The following RAPGEF1 variants were observed in gnomAD, a reference collection of about 807,000 sequenced individuals.
The protein encoded by RAPGEF1 is Rap guanine nucleotide exchange factor 1, also known as CRK SH3-binding GNRP.
In RAPGEF1, 33 loss-of-function variants were observed where a neutral mutation model predicts 143.3. The ratio of observed to expected loss-of-function variants is 0.23; its 90% CI spans 0.17 to 0.31. The LOEUF is 0.31. RAPGEF1 is among the 10% of genes least tolerant of loss of function. The pLI is 1.00. For synonymous variants in RAPGEF1, 629 were observed against 676.5 expected, an observed-to-expected ratio of 0.93 and a Z score of 1.09; for missense variants, 1,199 against 1,645.4, an observed-to-expected ratio of 0.73 and a Z score of 4.69.
intron 1 of RAPGEF1, among the ~76,000 whole-genome samples, chr9:131,663,575 C>T (rs772052061): frequency 1.3e-5 from 2 of 151,506 alleles, no homozygotes; most frequent in Non-Finnish European, 1.5e-5. Context: ...GGCTTTTGGA[C>T]GTTGACATAT....
At chr9:131,681,542 C>A (rs181873040) in intron 1 of RAPGEF1, among the ~76,000 whole-genome samples, 2 of 152,210 alleles carry the variant, frequency 1.3e-5, no homozygotes, top group Non-Finnish European at 2.9e-5. Flanking sequence ...TGTTTCCAGT[C>A]GGATGATTCC....
chr9:131,610,290 G>A (rs1055941990), intron 12 of RAPGEF1, among the ~76,000 whole-genome samples: 2 of 151,402 alleles, frequency 1.3e-5, no homozygotes, highest in African/African-American at 4.9e-5. Context: ...CGTGCCAGAG[G>A]AGGCTGTCTG....
chr9:131,698,679 A>G (rs1424224486), intron 1 of RAPGEF1, among the ~76,000 whole-genome samples: 3 of 152,210 alleles, frequency 2.0e-5, no homozygotes, highest in African/African-American at 7.2e-5. Flanking sequence ...AATAAAGTAG[A>G]GGTAACTGTG....
chr9:131,582,822 A>G, intron 24 of RAPGEF1, 120 bp from the exon 25 acceptor site: 1 of 785,400 alleles, frequency 1.3e-6, no homozygotes, highest in Non-Finnish European at 2.0e-6. Flanking sequence ...CCAACTCCAC[A>G]GGTCCCACTA....
At chr9:131,714,705 CTTTTTTTT>C (rs10568442) in intron 1 of RAPGEF1, among the ~76,000 whole-genome samples, 4 of 114,698 alleles carry the variant, frequency 3.5e-5, no homozygotes, top group African/African-American at 7.7e-5. Flanking sequence ...TAGACTCTGC[CTTTTTTTT>C]TTTTTTTTTT....
Position 131,681,396 on chromosome 9 carries a change from C to T in RAPGEF1, c.62-30447G>A, listed in dbSNP as rs189174699. Among the ~76,000 whole-genome samples, 265 of 152,290 alleles carry T rather than the reference C, an allele frequency of 1.7e-3. 1 individual carries two copies. The highest frequency in any genetic ancestry group is 6.0e-3 in the African/African-American group (249 of 41,548). ...GGCTTGGCAGTTCCCTGTTAGAATA[C>T]ACCCCCAGATCAACAGGGAAATATT... is the stretch of plus-strand genomic sequence containing the variant. On this transcript the variant is annotated intron_variant, in intron 1 of 26. Transcript: ENST00000683357.
At position 131,618,626 on chromosome 9, in the gene RAPGEF1, C is replaced by T. The variant is rs372743866; in HGVS notation, c.2061+425G>A. Among the ~76,000 whole-genome samples the T allele has an allele frequency of 1.6e-4, 25 of 152,312 alleles. 1 individual carries two copies. In the East Asian group the frequency reaches 3.5e-3, roughly 21 times the overall value. ...ACAGGGTTTCACTATGTTGCCCAGG[C>T]TGGACTTGAACTCTGGAGTTCAGGT... is the stretch of plus-strand genomic sequence containing the variant. On this transcript the variant is annotated intron_variant, in intron 12 of 26. Transcript: ENST00000683357.
intron 12 of RAPGEF1, among the ~76,000 whole-genome samples, chr9:131,613,731 C>T (rs1958420012): frequency 6.6e-6 from 1 of 152,132 alleles, no homozygotes; most frequent in African/African-American, 2.4e-5. Flanking sequence ...GGAGAGAAGC[C>T]TGCACTCAAA....
intron 1 of RAPGEF1, among the ~76,000 whole-genome samples, chr9:131,664,469 ATAAGT>A (rs1830107111): frequency 6.6e-6 from 1 of 152,206 alleles, no homozygotes; most frequent in Non-Finnish European, 1.5e-5. Context: ...TTTTTAAATC[ATAAGT>A]TAATACTGTT....
intron 1 of RAPGEF1, among the ~76,000 whole-genome samples, chr9:131,733,292 T>C (rs1193518462): frequency 7.0e-6 from 1 of 143,374 alleles, no homozygotes; most frequent in Non-Finnish European, 1.5e-5. Context: ...GGCACATGTA[T>C]ACCTATGTAA....
intron 1 of RAPGEF1, among the ~76,000 whole-genome samples, chr9:131,658,161 G>A (rs991745568): frequency 6.6e-6 from 1 of 152,206 alleles, no homozygotes; most frequent in Non-Finnish European, 1.5e-5. Flanking sequence ...CTGGATTGTA[G>A]GGTATATGCC....
chr9:131,618,945 G>T (rs901685562), intron 12 of RAPGEF1, 106 bp downstream of exon 12: 3 of 1,028,828 alleles, frequency 2.9e-6, no homozygotes, highest in East Asian at 6.1e-5. Context: ...ACCCGCAGAA[G>T]GGCAGGGGCC....
At chr9:131,694,797 C>CTTTTT (rs60955547) in intron 1 of RAPGEF1, among the ~76,000 whole-genome samples, 1 of 139,482 alleles carries the variant, frequency 7.2e-6, no homozygotes, top group African/African-American at 2.7e-5. Context: ...TTCACACTTT[C>CTTTTT]TTTTTTTTTT....
chr9:131,616,874 C>A (rs769489784), intron 12 of RAPGEF1, among the ~76,000 whole-genome samples: 1 of 152,156 alleles, frequency 6.6e-6, no homozygotes. Context: ...TCTGAGGTTC[C>A]GGCATACTGG....
chr9:131,673,919 G>C (rs775749837), intron 1 of RAPGEF1, among the ~76,000 whole-genome samples: 1 of 152,164 alleles, frequency 6.6e-6, no homozygotes, highest in Non-Finnish European at 1.5e-5. Context: ...TCAGATCTAA[G>C]GGTCCCTTGA....
chr9:131,712,728 T>C (rs1211633645), intron 1 of RAPGEF1, among the ~76,000 whole-genome samples: 1 of 152,170 alleles, frequency 6.6e-6, no homozygotes, highest in Non-Finnish European at 1.5e-5. Flanking sequence ...TCCAAACAAC[T>C]AATATACTGA....
At chr9:131,623,546 A>G (rs544526057) in intron 10 of RAPGEF1, among the ~76,000 whole-genome samples, 2 of 152,372 alleles carry the variant, frequency 1.3e-5, no homozygotes, top group African/African-American at 4.8e-5. Flanking sequence ...CAAGCACAGA[A>G]CAGCAGTGAT....
At chr9:131,706,216 G>A (rs116660927) in intron 1 of RAPGEF1, among the ~76,000 whole-genome samples, 5 of 151,468 alleles carry the variant, frequency 3.3e-5, no homozygotes, top group African/African-American at 1.2e-4. Context: ...TCACAACCAC[G>A]TTGAATGTGG....
intron 12 of RAPGEF1, among the ~76,000 whole-genome samples, chr9:131,613,158 C>A (rs560328740): frequency 6.6e-6 from 1 of 152,230 alleles, no homozygotes; most frequent in South Asian, 2.1e-4. Flanking sequence ...CTTGTAACAA[C>A]CTTGTGCTCC....
Sources: gnomAD v4.1 joint callset for allele counts (sites outside exome capture counted in the v4.1 genomes callset) on GRCh38, gnomAD v4.1.1 for gene constraint, MANE v1.5 for transcripts, NCBI Gene and HGNC (gene_info 2026-07-23, HGNC 2026-07-21) for gene names.